TUBD1: variants seen among roughly 807,000 people sequenced by gnomAD.
TUBD1 encodes tubulin delta 1.
A neutral mutation model predicts 51.2 loss-of-function variants in TUBD1; 38 were observed. That is an observed-to-expected ratio of 0.74 (90% CI 0.57 to 0.97). The LOEUF (loss-of-function observed/expected upper bound fraction) is 0.97, where lower values mean the gene tolerates loss of function less well. TUBD1 is among the 50% of genes least tolerant of loss of function. TUBD1 has a pLI of 0.00. For missense variants in TUBD1, 489 were observed against 538.4 expected, an observed-to-expected ratio of 0.91 and a Z score of 0.91; for synonymous variants, 169 against 178.2, an observed-to-expected ratio of 0.95 and a Z score of 0.41.
chr17:59,868,640 C>T (rs2039829061), intron 6 of TUBD1, among the ~76,000 whole-genome samples: 1 of 152,058 alleles, frequency 6.6e-6, no homozygotes, highest in African/African-American at 2.4e-5. Context: ...AGATCGAGAC[C>T]ATACTGGCCA....
At position 59,874,622 on chromosome 17, in the gene TUBD1, G is replaced by T; in HGVS notation, c.851C>A (p.Ser284Ter). Residue 284 changes from serine to a stop codon, truncating the protein, a stop_gained, in exon 6 of 9, where the codon TCA (serine) becomes TAA (stop). Coordinates refer to ENST00000325752, the MANE Select transcript of TUBD1 (RefSeq NM_016261.4). LOFTEE classifies it high-confidence loss of function. ...VRNIPHMSEN[S>*]LAYTTFTWAG... Reference sequence around the variant, plus strand: ...CCAAGTAAATGTGGTGTATGCCAATGAATTCTCAGACATGTGAGGAATGTT... The same window carrying T: ...CCAAGTAAATGTGGTGTATGCCAATTAATTCTCAGACATGTGAGGAATGTT... 6.2e-7 allele frequency: 1 copy of T among 1,613,660 alleles called. No homozygotes were observed. Among genetic ancestry groups the T allele is most frequent in the South Asian group, 1.1e-5 (1 of 90,968 alleles).
intron 8 of TUBD1, among the ~76,000 whole-genome samples, chr17:59,861,958 A>C (rs549356226): frequency 6.6e-6 from 1 of 150,626 alleles, no homozygotes; most frequent in Non-Finnish European, 1.5e-5. Flanking sequence ...GAGCCACTGC[A>C]CCCAGCCTGA....
In TUBD1 at chr17:59,874,601, G is replaced by A. The variant is rs763631506; in HGVS notation, c.872C>T (p.Thr291Ile). Reference protein sequence around the residue: ...SENSLAYTTFTWAGLLKHLRQ... With the variant: ...SENSLAYTTFIWAGLLKHLRQ... ...CAAATGCTTGAGGAGGCCAGCCCAA[G>A]TAAATGTGGTGTATGCCAATGAATT... The change falls in exon 6 of 9, where the codon ACT (threonine) becomes ATT (isoleucine). Residue 291 changes from threonine (T) to isoleucine (I), a missense_variant. By Grantham distance (89) the Thr-to-Ile change is moderately conservative. Transcript: ENST00000325752. 4 of 1,613,586 alleles carry A rather than the reference G, an allele frequency of 2.5e-6. No homozygotes were observed. The highest frequency in any genetic ancestry group is 3.4e-6 in the Non-Finnish European group (4 of 1,179,960).
At position 59,890,816 on chromosome 17, in the gene TUBD1, G is replaced by A. The variant is rs371601484; in HGVS notation, c.172+15C>T. On this transcript the variant is annotated intron_variant, in intron 2 of 8. Coordinates refer to ENST00000325752, the MANE Select transcript of TUBD1 (RefSeq NM_016261.4). The stretch of plus-strand genomic sequence containing the variant: ...TTAGATCAGAGTAAAGGAGAGGACT[G>A]TGGGCCACACCTACCTCCATTCTCC... The A allele has an allele frequency of 1.3e-6, 2 of 1,598,798 alleles. No homozygotes were observed. The highest frequency in any genetic ancestry group is 2.7e-5 in the African/African-American group (2 of 74,454).
intron 7 of TUBD1, among the ~76,000 whole-genome samples, chr17:59,864,204 G>A (rs1334051250): frequency 1.3e-5 from 2 of 151,162 alleles, no homozygotes; most frequent in Non-Finnish European, 3.0e-5. Flanking sequence ...GGGGTGCAGT[G>A]GCATGATGTT....
chr17:59,877,728 A>G (rs2144518584), intron 5 of TUBD1, among the ~76,000 whole-genome samples: 1 of 152,076 alleles, frequency 6.6e-6, no homozygotes, highest in African/African-American at 2.4e-5. Flanking sequence ...CAGTGAGTCA[A>G]GATCGTACCA....
At chr17:59,873,949 G>C (rs900501105) in intron 6 of TUBD1, among the ~76,000 whole-genome samples, 1 of 152,060 alleles carries the variant, frequency 6.6e-6, no homozygotes, top group Non-Finnish European at 1.5e-5. Context: ...CAGCACTTTG[G>C]GAGGCCAAGA....
chr17:59,877,567 A>C (rs1295002123), intron 5 of TUBD1, among the ~76,000 whole-genome samples: 1 of 152,186 alleles, frequency 6.6e-6, no homozygotes, highest in Non-Finnish European at 1.5e-5. Context: ...GGATCATTTG[A>C]GACCAGCCTG....
At chr17:59,875,885 C>A (rs2040202936) in intron 5 of TUBD1, among the ~76,000 whole-genome samples, 1 of 152,066 alleles carries the variant, frequency 6.6e-6, no homozygotes, top group Non-Finnish European at 1.5e-5. Flanking sequence ...CTTTCCTTTA[C>A]ATTTACAGCT....
intron 2 of TUBD1, 28 bp from the exon 3 acceptor site, chr17:59,886,258 T>A: frequency 2.5e-6 from 4 of 1,577,446 alleles, no homozygotes; most frequent in Admixed American, 1.9e-5. Context: ...CCCAAAAACA[T>A]CGAAAGAAAA....
intron 4 of TUBD1, chr17:59,878,895 C>T (rs2040351389): frequency 6.5e-6 from 1 of 152,706 alleles, no homozygotes; most frequent in Non-Finnish European, 1.5e-5. Flanking sequence ...TATTATCATA[C>T]TTATCTCCTA....
rs1789702530 is a variant in TUBD1, at chr17:59,863,692, C to T, written c.1231G>A (p.Gly411Arg). The T allele has an allele frequency of 6.3e-7, 1 of 1,590,004 alleles. No homozygotes were observed. Among genetic ancestry groups the T allele is most frequent in the Non-Finnish European group, 8.5e-7 (1 of 1,172,532 alleles). Residue 411 changes from glycine to arginine, a missense_variant, in exon 8 of 9, where the codon GGG (glycine) becomes AGG (arginine). Coordinates refer to ENST00000325752, the MANE Select transcript of TUBD1 (RefSeq NM_016261.4). Reference protein sequence around the residue: ...FLVKPLDMIVGKAWNMFASKA... With the variant: ...FLVKPLDMIVRKAWNMFASKA... ...GAAGCAAACATATTCCATGCCTTCC[C>T]AACAATCATATCAAGTGGTTTTACT...
chr17:59,890,726 C>G lies in TUBD1; in HGVS notation c.172+105G>C, dbSNP rs148604129. The G allele has an allele frequency of 2.0e-3, 1,840 of 935,034 alleles. 3 individuals carry two copies. Among genetic ancestry groups the G allele is most frequent in the South Asian group, 2.5e-3 (117 of 46,476 alleles). The allele number at this position is 935,034 out of a possible 1,614,324, so 57.9% of individuals were successfully genotyped here. A position where few individuals can be genotyped will look rare whatever the true frequency, so the allele number is the denominator to read the frequency against. The stretch of plus-strand genomic sequence containing the variant: ...ATGAAAAGCAAAAACAAAGTAATTC[C>G]CTAGTGAGATGGGAAGGAATGGGGT... On this transcript the variant is annotated intron_variant, in intron 2 of 8. Coordinates refer to ENST00000325752, the MANE Select transcript of TUBD1 (RefSeq NM_016261.4).
intron 5 of TUBD1, 127 bp from the exon 6 acceptor site, chr17:59,874,830 T>C: frequency 1.5e-6 from 1 of 684,748 alleles, no homozygotes; most frequent in Non-Finnish European, 2.4e-6. Flanking sequence ...CAGAATTATT[T>C]AATCTTTAAT....
chr17:59,891,111 G>T, intron 1 of TUBD1, 70 bp from the exon 2 acceptor site: 1 of 820,802 alleles, frequency 1.2e-6, no homozygotes, highest in Non-Finnish European at 1.9e-6. Context: ...TGCCATGTAT[G>T]TTAATTATAC....
At chr17:59,862,722 T>C (rs2039514487) in intron 8 of TUBD1, among the ~76,000 whole-genome samples, 1 of 76,454 alleles carries the variant, frequency 1.3e-5, no homozygotes, top group African/African-American at 4.6e-5. Context: ...GTATTTTTTT[T>C]TTTTTTTTTT....
chr17:59,866,915 G>A (rs1438108976), intron 6 of TUBD1, among the ~76,000 whole-genome samples, 166 bp from the exon 7 acceptor site: 3 of 151,816 alleles, frequency 2.0e-5, no homozygotes, highest in African/African-American at 7.3e-5. Flanking sequence ...TCCCCCAGTA[G>A]CTGGCTAGAC....
At chr17:59,879,401 TCTC>T (rs1402511835) in intron 4 of TUBD1, among the ~76,000 whole-genome samples, 1 of 152,128 alleles carries the variant, frequency 6.6e-6, no homozygotes, top group African/African-American at 2.4e-5. Flanking sequence ...TGAGAGACAT[TCTC>T]AGCAATCAGT....
chr17:59,878,561 T>C (rs1013147866), intron 4 of TUBD1: 8 of 417,666 alleles, frequency 1.9e-5, no homozygotes, highest in Non-Finnish European at 3.0e-5. Flanking sequence ...CTCTGCTCAC[T>C]GCAACCTCGG....
Sources: gnomAD v4.1 joint callset for allele counts (sites outside exome capture counted in the v4.1 genomes callset) on GRCh38, gnomAD v4.1.1 for gene constraint, MANE v1.5 for transcripts, NCBI Gene and HGNC (gene_info 2026-07-23, HGNC 2026-07-21) for gene names.